NXPH1: variants seen among roughly 807,000 people sequenced by gnomAD.
The protein encoded by NXPH1 is neurexophilin 1.
A neutral mutation model predicts 23.7 loss-of-function variants in NXPH1; 5 were observed. The ratio of observed to expected loss-of-function variants is 0.21; its 90% CI spans 0.11 to 0.44. The LOEUF (loss-of-function observed/expected upper bound fraction) is 0.44. NXPH1 is among the 20% of genes least tolerant of loss of function. NXPH1 has a pLI of 0.99. For synonymous variants in NXPH1, 144 were observed against 122.2 expected, an observed-to-expected ratio of 1.18 and a Z score of -1.18; for missense variants, 324 against 321.6, an observed-to-expected ratio of 1.01 and a Z score of -0.06.
intron 2 of NXPH1, among the ~76,000 whole-genome samples, chr7:8,516,323 G>C (rs1215654117): frequency 6.6e-6 from 1 of 151,984 alleles, no homozygotes; most frequent in Non-Finnish European, 1.5e-5. Flanking sequence ...GTTACTGGCT[G>C]GGTGCTCTCG....
intron 2 of NXPH1, among the ~76,000 whole-genome samples, chr7:8,458,040 G>T (rs913589924): frequency 6.6e-6 from 1 of 152,178 alleles, no homozygotes; most frequent in East Asian, 1.9e-4. Context: ...AATTTTAATT[G>T]GAACTGATGC....
At chr7:8,732,421 A>T (rs1780174025) in intron 2 of NXPH1, among the ~76,000 whole-genome samples, 1 of 152,220 alleles carries the variant, frequency 6.6e-6, no homozygotes, top group Non-Finnish European at 1.5e-5. Flanking sequence ...GAAGCTAAAA[A>T]TTTGTCTATT....
At chr7:8,632,043 G>A (rs944263020) in intron 2 of NXPH1, among the ~76,000 whole-genome samples, 1 of 152,126 alleles carries the variant, frequency 6.6e-6, no homozygotes, top group Non-Finnish European at 1.5e-5. Flanking sequence ...TATTGATAAA[G>A]ATTTAGAGAT....
At chr7:8,605,000 G>T (rs111385070) in intron 2 of NXPH1, among the ~76,000 whole-genome samples, 17 of 152,086 alleles carry the variant, frequency 1.1e-4, no homozygotes, top group African/African-American at 4.1e-4. Context: ...TCACAACATT[G>T]TACATCATTG....
At chr7:8,449,863 C>A (rs773240701) in intron 2 of NXPH1, among the ~76,000 whole-genome samples, 1 of 152,194 alleles carries the variant, frequency 6.6e-6, no homozygotes. Context: ...TTATTAGATG[C>A]AGTTTTTATT....
intron 2 of NXPH1, among the ~76,000 whole-genome samples, chr7:8,509,325 A>G (rs933899651): frequency 1.3e-5 from 2 of 152,260 alleles, no homozygotes; most frequent in African/African-American, 2.4e-5. Flanking sequence ...TTATTTCCAC[A>G]TTAATAAATA....
intron 2 of NXPH1, among the ~76,000 whole-genome samples, chr7:8,673,661 G>T (rs148448636): frequency 2.6e-5 from 4 of 152,000 alleles, no homozygotes; most frequent in Non-Finnish European, 5.9e-5. Flanking sequence ...TACATAGTTT[G>T]TGTGTGTGTG....
At chr7:8,609,764 AG>A (rs1257212428) in intron 2 of NXPH1, among the ~76,000 whole-genome samples, 2 of 152,098 alleles carry the variant, frequency 1.3e-5, no homozygotes, top group African/African-American at 4.8e-5. Context: ...AAGCTCTCAG[AG>A]CTATTTTTGT....
At chr7:8,596,617 A>C (rs969877043) in intron 2 of NXPH1, among the ~76,000 whole-genome samples, 1 of 152,152 alleles carries the variant, frequency 6.6e-6, no homozygotes, top group Non-Finnish European at 1.5e-5. Flanking sequence ...AACATTTACT[A>C]TGCTAAAGCT....
At chr7:8,584,628 C>T (rs952418222) in intron 2 of NXPH1, among the ~76,000 whole-genome samples, 1 of 152,056 alleles carries the variant, frequency 6.6e-6, no homozygotes, top group African/African-American at 2.4e-5. Context: ...ATGATCAGTA[C>T]CATGGGTTTG....
intron 2 of NXPH1, among the ~76,000 whole-genome samples, chr7:8,557,201 C>T (rs1445309180): frequency 1.3e-5 from 2 of 151,618 alleles, no homozygotes; most frequent in African/African-American, 2.4e-5. Flanking sequence ...GATTGTGTTA[C>T]AGCATTGTTC....
chr7:8,643,812 T>C (rs958075049), intron 2 of NXPH1, among the ~76,000 whole-genome samples: 1 of 152,236 alleles, frequency 6.6e-6, no homozygotes, highest in Non-Finnish European at 1.5e-5. Flanking sequence ...CCTTCATATA[T>C]AAATTTTAAC....
At chr7:8,742,747 A>T (rs2115228698) in intron 2 of NXPH1, among the ~76,000 whole-genome samples, 1 of 152,242 alleles carries the variant, frequency 6.6e-6, no homozygotes, top group Non-Finnish European at 1.5e-5. Flanking sequence ...TTTACATTTT[A>T]TTTTATTAAT....
At chr7:8,439,445 G>A (rs1816254065) in intron 2 of NXPH1, among the ~76,000 whole-genome samples, 1 of 152,124 alleles carries the variant, frequency 6.6e-6, no homozygotes, top group Non-Finnish European at 1.5e-5. Context: ...GCATGCTAAT[G>A]AAAAAGCTAC....
At chr7:8,638,796 T>C (rs747715376) in intron 2 of NXPH1, among the ~76,000 whole-genome samples, 1 of 152,202 alleles carries the variant, frequency 6.6e-6, no homozygotes, top group East Asian at 1.9e-4. Context: ...ATATAACCCA[T>C]CTTGGCTGCA....
intron 2 of NXPH1, among the ~76,000 whole-genome samples, chr7:8,685,203 A>G (rs955410066): frequency 1.3e-5 from 2 of 151,306 alleles, no homozygotes; most frequent in African/African-American, 4.9e-5. Context: ...ATCCTTTATT[A>G]CGTGCATTTG....
chr7:8,685,328 A>G (rs999456239), intron 2 of NXPH1, among the ~76,000 whole-genome samples: 8 of 151,382 alleles, frequency 5.3e-5, no homozygotes, highest in Non-Finnish European at 1.0e-4. Context: ...TGACTTTTAG[A>G]TCCCACAGAT....
At chr7:8,565,158 C>G (rs1209203601) in intron 2 of NXPH1, among the ~76,000 whole-genome samples, 1 of 151,740 alleles carries the variant, frequency 6.6e-6, no homozygotes, top group African/African-American at 2.4e-5. Flanking sequence ...TTTTCAGGGT[C>G]ATTCTCAGAA....
At chr7:8,715,547 TTCAGCCAGATCTCCTTTCAG>T in intron 2 of NXPH1, among the ~76,000 whole-genome samples, 1 of 152,196 alleles carries the variant, frequency 6.6e-6, no homozygotes, top group Non-Finnish European at 1.5e-5. Context: ...TCTTGAATTT[TTCAGCCAGATCTCCTTTCAG>T]GTTGCTATAA....
Sources: gnomAD v4.1 joint callset for allele counts (sites outside exome capture counted in the v4.1 genomes callset) on GRCh38, gnomAD v4.1.1 for gene constraint, MANE v1.5 for transcripts, NCBI Gene and HGNC (gene_info 2026-07-23, HGNC 2026-07-21) for gene names.